Variants in BBS4 observed in about 807,000 individuals in gnomAD.
The protein encoded by BBS4 is Bardet-Biedl syndrome 4.
A neutral mutation model predicts 71.4 loss-of-function variants in BBS4; 58 were observed. The ratio of observed to expected loss-of-function variants is 0.81; its 90% CI spans 0.66 to 1.01. BBS4 has a LOEUF of 1.01. BBS4 is among the 50% of genes least tolerant of loss of function. The pLI, the probability that BBS4 is intolerant of heterozygous loss-of-function variation, is 0.00. For missense variants in BBS4, 660 were observed against 607.9 expected, an observed-to-expected ratio of 1.09 and a Z score of -0.90; for synonymous variants, 228 against 216.8, an observed-to-expected ratio of 1.05 and a Z score of -0.46.
In BBS4 at chr15:72,736,797, C is replaced by G; in HGVS notation, c.1284C>G (p.Leu428=). 2 of 1,614,220 alleles carry G rather than the reference C, an allele frequency of 1.2e-6. No homozygotes were observed. Among genetic ancestry groups the G allele is most frequent in the Admixed American group, 1.7e-5 (1 of 60,020 alleles). The change falls in exon 15 of 16, where the codon CTC becomes CTG. Residue 428 remains leucine, a synonymous_variant. Coordinates refer to ENST00000268057, the MANE Select transcript of BBS4 (RefSeq NM_033028.5). The stretch of plus-strand genomic sequence containing the variant: ...TGGCTCAGAAGTTGGGAGCTGCTCT[C>G]CAGGTTGGGGAGGCACTGGTCTGGA... ...VEMAQKLGAA[L]QVGEALVWTK... is the part of the protein sequence containing the mutation.
chr15:72,719,636 C>T (rs568416570), intron 6 of BBS4, among the ~76,000 whole-genome samples: 99 of 152,018 alleles, frequency 6.5e-4, no homozygotes, highest in Admixed American at 2.8e-3. Flanking sequence ...GGGAATGGAA[C>T]GTATTTCTTA....
At chr15:72,688,066 AAAAG>A (rs2064904301) in intron 1 of BBS4, among the ~76,000 whole-genome samples, 1 of 141,796 alleles carries the variant, frequency 7.1e-6, no homozygotes, top group Non-Finnish European at 1.6e-5. Flanking sequence ...AAAAAAAAAA[AAAAG>A]AAAATACTTC....
In BBS4 at chr15:72,709,760, A is replaced by C. The variant is rs75295839; in HGVS notation, c.137A>C (p.Lys46Thr). 3 of 1,613,434 alleles carry C rather than the reference A, an allele frequency of 1.9e-6. No individual in the cohort carries two copies. Among genetic ancestry groups the C allele is most frequent in the Non-Finnish European group, 1.7e-6 (2 of 1,179,662 alleles). ...NWLIHLHYIR[K>T]DYEACKAVIK... ...TTGATTCATCTTCATTATATCCGGA[A>C]AGATTATGAAGCCTGCAAGGTAAGA... The change falls in exon 3 of 16, where the codon AAA (lysine) becomes ACA (threonine). Residue 46 changes from lysine (K) to threonine (T), a missense_variant. Physicochemically the swap from Lys to Thr is moderately conservative, Grantham distance 78 (BLOSUM62 -1). Transcript: ENST00000268057.
intron 13 of BBS4, chr15:72,735,567 C>CTT: frequency 1.8e-6 from 1 of 565,862 alleles, no homozygotes; most frequent in Non-Finnish European, 3.2e-6. Flanking sequence ...GTAGAGATCC[C>CTT]TTTTTCAACC....
At chr15:72,688,982 C>T (rs1436942091) in intron 1 of BBS4, among the ~76,000 whole-genome samples, 1 of 152,014 alleles carries the variant, frequency 6.6e-6, no homozygotes, top group African/African-American at 2.4e-5. Flanking sequence ...AAGCTGTTCT[C>T]CTTTCTTTCT....
At chr15:72,708,847 A>C (rs780363137) in intron 2 of BBS4, among the ~76,000 whole-genome samples, 3 of 152,142 alleles carry the variant, frequency 2.0e-5, no homozygotes, top group Non-Finnish European at 4.4e-5. Context: ...CAGGCTTATT[A>C]GGGTGGGGAA....
intron 1 of BBS4, 87 bp from the exon 2 acceptor site, chr15:72,695,087 GCTA>G: frequency 4.6e-6 from 4 of 866,998 alleles, no homozygotes; most frequent in Non-Finnish European, 7.7e-6. Flanking sequence ...TAATTGGTGA[GCTA>G]CTGATTATTC....
At chr15:72,732,842 G>C (rs558946951) in intron 12 of BBS4, among the ~76,000 whole-genome samples, 1 of 152,328 alleles carries the variant, frequency 6.6e-6, no homozygotes, top group East Asian at 1.9e-4. Flanking sequence ...GTTTTCATGG[G>C]TAGAAATGCC....
At chr15:72,719,342 A>G (rs2065523814) in intron 6 of BBS4, among the ~76,000 whole-genome samples, 1 of 150,348 alleles carries the variant, frequency 6.7e-6, no homozygotes, top group Non-Finnish European at 1.5e-5. Context: ...GTAACCTCCA[A>G]CTCCTGGGCT....
At position 72,695,100 on chromosome 15, in the gene BBS4, C is replaced by A. The variant is rs932628333; in HGVS notation, c.25-77C>A. ...CATAATTGGTGAGCTACTGATTATT[C>A]TTGTTATTTGGATGCTTCTTTAAGT... On this transcript the variant is annotated intron_variant, in intron 1 of 15. Transcript: ENST00000268057. 109 of 1,008,614 alleles carry A rather than the reference C, an allele frequency of 1.1e-4. No individual in the cohort carries two copies. In the African/African-American group the frequency reaches 1.5e-3, roughly 14 times the overall value. 62.5% of individuals were successfully genotyped at this position (1,008,614 alleles called of 1,614,324 possible). A position where few individuals can be genotyped will look rare whatever the true frequency, so the allele number is the denominator to read the frequency against.
Position 72,735,101 on chromosome 15 carries a change from T to G in BBS4, c.1037-12T>G, listed in dbSNP as rs1291309642. On this transcript the variant is annotated splice_polypyrimidine_tract_variant and intron_variant, in intron 12 of 15. Transcript: ENST00000268057. ...GCTGAGCTCTCCAGCTGCAGTGCTT[T>G]CTTTGTTGCAGTGGCTCTGACCAAT... 1 of 1,610,240 alleles carries G rather than the reference T, an allele frequency of 6.2e-7. No individual in the cohort carries two copies. The highest frequency in any genetic ancestry group is 1.7e-5 in the Admixed American group (1 of 60,008).
At chr15:72,736,385 GCGCGTGCC>G (rs1227474314) in intron 14 of BBS4, among the ~76,000 whole-genome samples, 1 of 152,002 alleles carries the variant, frequency 6.6e-6, no homozygotes, top group African/African-American at 2.4e-5. Flanking sequence ...GGGACTACAG[GCGCGTGCC>G]ACCACGCCCA....
intron 10 of BBS4, 62 bp from the exon 11 acceptor site, chr15:72,731,243 C>T: frequency 6.2e-7 from 1 of 1,608,342 alleles, no homozygotes; most frequent in Non-Finnish European, 8.5e-7. Flanking sequence ...CTCAGGAAAG[C>T]TGCCCCACTG....
At chr15:72,721,630 C>T (rs1007824887) in intron 6 of BBS4, among the ~76,000 whole-genome samples, 1 of 152,120 alleles carries the variant, frequency 6.6e-6, no homozygotes, top group Non-Finnish European at 1.5e-5. Context: ...TGGCATAAAG[C>T]CTGATGTTAG....
At chr15:72,702,430 A>G (rs1160985956) in intron 2 of BBS4, among the ~76,000 whole-genome samples, 2 of 152,182 alleles carry the variant, frequency 1.3e-5, no homozygotes, top group Non-Finnish European at 2.9e-5. Context: ...AATAAGAGAG[A>G]AAAACTTTGA....
intron 5 of BBS4, 101 bp downstream of exon 5, chr15:72,715,503 C>T (rs1286961092): frequency 2.2e-5 from 18 of 823,442 alleles, no homozygotes; most frequent in Non-Finnish European, 3.0e-5. Context: ...CAGCCTGATA[C>T]ACAAGTGGGG....
intron 12 of BBS4, among the ~76,000 whole-genome samples, chr15:72,733,671 C>T (rs186669194): frequency 5.9e-5 from 9 of 152,286 alleles, no homozygotes; most frequent in African/African-American, 2.2e-4. Flanking sequence ...TCCAGTCTAC[C>T]ATTGATGGGC....
chr15:72,722,869 A>G lies in BBS4; in HGVS notation c.459+22A>G, dbSNP rs758171323. 5 of 1,603,312 alleles carry G rather than the reference A, an allele frequency of 3.1e-6. No homozygotes were observed. The African/African-American group carries it at 6.7e-5, about 21-fold the overall frequency. ...CAAGGTAATTTATAGAAGTGGTGAT[A>G]GATTTCACTGAGGGTGCACTTGTTG... On this transcript the variant is annotated intron_variant, in intron 7 of 15. Transcript: ENST00000268057.
rs560684180 is a variant in BBS4 at position 72,725,510 on chromosome 15, C to A, written c.587+855C>A. On this transcript the variant is annotated intron_variant, in intron 8 of 15. Coordinates refer to ENST00000268057, the MANE Select transcript of BBS4 (RefSeq NM_033028.5). ...GGAAATAACAGATTTAAGAGTTGGC[C>A]GACAGTCTGCCATTTTGGTATCATA... Among the ~76,000 whole-genome samples, 3 of 152,000 alleles carry A rather than the reference C, an allele frequency of 2.0e-5. No individual in the cohort carries two copies. In the East Asian group the frequency reaches 5.8e-4, roughly 29 times the overall value.
Sources: allele counts gnomAD v4.1 joint callset (sites outside exome capture counted in the v4.1 genomes callset), GRCh38; gene constraint gnomAD v4.1.1; transcripts MANE v1.5; gene names NCBI Gene and HGNC (gene_info 2026-07-23, HGNC 2026-07-21).